SHANK2: variants seen among roughly 807,000 people sequenced by gnomAD.
The protein encoded by SHANK2 is SH3 and multiple ankyrin repeat domains 2.
SHANK2 carries 43 observed loss-of-function variants against 133.7 expected under a neutral mutation model. That is an observed-to-expected ratio of 0.32 (90% CI 0.25 to 0.41). The LOEUF is 0.41. Among genes scored for constraint, SHANK2 ranks in the 10% least tolerant of loss-of-function variants. The pLI is 1.00. For synonymous variants in SHANK2, 1,017 were observed against 952.8 expected (o/e 1.07, Z -1.24); for missense variants, 1,994 against 2,235.8 (o/e 0.89, Z 2.18).
intron 10 of SHANK2, among the ~76,000 whole-genome samples, chr11:70,922,720 A>G (rs1950368681): frequency 6.6e-6 from 1 of 152,216 alleles, no homozygotes; most frequent in Non-Finnish European, 1.5e-5. Flanking sequence ...CAAAAGAAAG[A>G]TGATCCCATA....
intron 17 of SHANK2, among the ~76,000 whole-genome samples, chr11:70,652,342 T>C (rs1555010333): frequency 6.6e-6 from 1 of 152,190 alleles, no homozygotes; most frequent in Non-Finnish European, 1.5e-5. Flanking sequence ...CCGACGTACT[T>C]GGCACATGGT....
chr11:71,192,105 T>C (rs2135584838), intron 2 of SHANK2, among the ~76,000 whole-genome samples: 1 of 151,954 alleles, frequency 6.6e-6, no homozygotes, highest in Non-Finnish European at 1.5e-5. Context: ...AAGTGATCCA[T>C]CCACCTCACC....
At chr11:70,510,787 G>A (rs1674878096) in intron 17 of SHANK2, among the ~76,000 whole-genome samples, 2 of 152,192 alleles carry the variant, frequency 1.3e-5, no homozygotes, top group East Asian at 3.9e-4. Context: ...CACACAAAGG[G>A]TGGAGCCCAT....
chr11:70,615,094 C>T (rs564355530), intron 17 of SHANK2, among the ~76,000 whole-genome samples: 47 of 152,348 alleles, frequency 3.1e-4, no homozygotes, highest in African/African-American at 1.1e-3. Flanking sequence ...AGACATCTTC[C>T]GATGGCAGAG....
At chr11:70,640,057 C>T (rs967391082) in intron 17 of SHANK2, among the ~76,000 whole-genome samples, 7 of 152,200 alleles carry the variant, frequency 4.6e-5, no homozygotes, top group African/African-American at 1.2e-4. Context: ...TGGGATGTGT[C>T]GCCAATGGTA....
chr11:71,229,073 T>C (rs915638881), intron 1 of SHANK2, among the ~76,000 whole-genome samples: 1 of 152,148 alleles, frequency 6.6e-6, no homozygotes, highest in African/African-American at 2.4e-5. Flanking sequence ...CAAAACAAGA[T>C]GGGAATTTCC....
intron 17 of SHANK2, among the ~76,000 whole-genome samples, chr11:70,575,613 A>C (rs989222538): frequency 6.6e-6 from 1 of 150,990 alleles, no homozygotes; most frequent in African/African-American, 2.4e-5. Context: ...GCTTTTCTTT[A>C]TCATTCCCTC....
intron 13 of SHANK2, among the ~76,000 whole-genome samples, chr11:70,801,904 G>T (rs1347486927): frequency 6.6e-6 from 1 of 152,184 alleles, no homozygotes; most frequent in Admixed American, 6.5e-5. Context: ...CCCCAGACTT[G>T]CAGGGGAATA....
intron 14 of SHANK2, among the ~76,000 whole-genome samples, chr11:70,741,603 TG>T (rs1296054258): frequency 6.6e-6 from 1 of 152,224 alleles, no homozygotes; most frequent in Non-Finnish European, 1.5e-5. Context: ...CTGGGTACCC[TG>T]TGTGTCCTCC....
At chr11:70,663,827 C>A (rs1555014153) in intron 15 of SHANK2, among the ~76,000 whole-genome samples, 1 of 152,176 alleles carries the variant, frequency 6.6e-6, no homozygotes, top group East Asian at 1.9e-4. Flanking sequence ...GGTCAGAGGT[C>A]CAGGACCCTG....
intron 2 of SHANK2, among the ~76,000 whole-genome samples, chr11:71,165,264 T>C (rs1555110631): frequency 6.6e-6 from 1 of 152,092 alleles, no homozygotes; most frequent in African/African-American, 2.4e-5. Flanking sequence ...GAACTCCTGA[T>C]CTCAAGCCAT....
chr11:71,121,576 C>T (rs537621680), intron 3 of SHANK2, among the ~76,000 whole-genome samples: 160 of 152,302 alleles, frequency 1.1e-3, no homozygotes, highest in African/African-American at 3.8e-3. Flanking sequence ...TTAATTAGAT[C>T]CCACTTGTCT....
At chr11:70,489,911 C>A (rs1362818407) in intron 23 of SHANK2, 1 of 324,756 alleles carries the variant, frequency 3.1e-6, no homozygotes, top group African/African-American at 2.1e-5. Context: ...ATGCAGGGAA[C>A]CCACTTACCC....
Position 70,603,102 on chromosome 11 carries a change from A to G in SHANK2, c.2061+56726T>C, listed in dbSNP as rs559356408. On this transcript the variant is annotated intron_variant, in intron 17 of 25. Coordinates refer to ENST00000601538, the MANE Select transcript of SHANK2 (RefSeq NM_012309.5). ...CACAGGTGGTAAAACCCCAAGGAAA[A>G]TCCTGAGGAAGCGGTGGTGGGGGAC... is the stretch of plus-strand genomic sequence containing the variant. 7.2e-4 allele frequency among the ~76,000 whole-genome samples: 110 copies of G among 152,338 alleles called. 1 individual carries two copies. The South Asian group carries it at 0.022, about 30-fold the overall frequency.
intron 2 of SHANK2, among the ~76,000 whole-genome samples, chr11:71,154,966 C>G (rs1406567768): frequency 7.5e-6 from 1 of 133,626 alleles, no homozygotes; most frequent in Admixed American, 7.4e-5. Flanking sequence ...TACCCCCGCC[C>G]ACGCTCCCAG....
At chr11:70,880,476 G>T (rs1949642565) in intron 11 of SHANK2, among the ~76,000 whole-genome samples, 1 of 152,202 alleles carries the variant, frequency 6.6e-6, no homozygotes, top group African/African-American at 2.4e-5. Flanking sequence ...GAAGGGGCTT[G>T]GAAAAGAGAA....
At chr11:71,199,837 C>T (rs1953983411) in intron 2 of SHANK2, among the ~76,000 whole-genome samples, 1 of 152,096 alleles carries the variant, frequency 6.6e-6, no homozygotes, top group East Asian at 1.9e-4. Flanking sequence ...GGGACAGAGT[C>T]GGGGGTATTA....
chr11:70,846,999 G>C (rs1374695442), intron 11 of SHANK2, among the ~76,000 whole-genome samples: 1 of 152,206 alleles, frequency 6.6e-6, no homozygotes, highest in Admixed American at 6.5e-5. Flanking sequence ...TCTGAGGATG[G>C]GCAGGACTGC....
chr11:70,919,528 G>A (rs1162183406), intron 10 of SHANK2, among the ~76,000 whole-genome samples: 16 of 152,144 alleles, frequency 1.1e-4, no homozygotes, highest in African/African-American at 3.6e-4. Context: ...GACTAAAGGC[G>A]TGTACCACTA....
Sources: gnomAD v4.1 joint callset for allele counts (sites outside exome capture counted in the v4.1 genomes callset) on GRCh38, gnomAD v4.1.1 for gene constraint, MANE v1.5 for transcripts, NCBI Gene and HGNC (gene_info 2026-07-23, HGNC 2026-07-21) for gene names.